Variants in CPS1 observed in about 807,000 individuals in gnomAD.
CPS1 encodes the protein carbamoyl-phosphate synthase 1, also known as carbamoyl-phosphate synthase [ammonia], mitochondrial.
A neutral mutation model predicts 174.6 loss-of-function variants in CPS1; 109 were observed. The ratio of observed to expected loss-of-function variants is 0.62; its 90% CI spans 0.53 to 0.73. The LOEUF is 0.73. Ranked by LOEUF, CPS1 falls within the 30% of genes least tolerant of loss-of-function variation. CPS1 has a pLI of 0.00. For missense variants in CPS1, 1,689 were observed against 1,821.9 expected (o/e 0.93, Z 1.33); for synonymous variants, 637 against 632.0 (o/e 1.01, Z -0.12).
At chr2:210,640,928 A>T (rs1700203402) in intron 24 of CPS1, among the ~76,000 whole-genome samples, 1 of 152,154 alleles carries the variant, frequency 6.6e-6, no homozygotes, top group South Asian at 2.1e-4. Flanking sequence ...GGTAATTTAT[A>T]AATAAATTCT....
chr2:210,605,310 A>G, intron 17 of CPS1, 64 bp downstream of exon 17: 5 of 1,577,926 alleles, frequency 3.2e-6, no homozygotes, highest in Admixed American at 1.7e-5. Flanking sequence ...TGGCCAAGGC[A>G]GTCTTTATAA....
chr2:210,576,565 G>T, intron 3 of CPS1, 75 bp downstream of exon 3: 1 of 1,542,254 alleles, frequency 6.5e-7, no homozygotes, highest in Non-Finnish European at 9.0e-7. Flanking sequence ...GAATTAGGAT[G>T]GCCAAACTTT....
intron 1 of CPS1, among the ~76,000 whole-genome samples, chr2:210,507,445 G>A (rs1034831069): frequency 2.0e-5 from 3 of 152,250 alleles, no homozygotes; most frequent in African/African-American, 4.8e-5. Flanking sequence ...AAAGACCAGC[G>A]AGGCTAGGAA....
At chr2:210,643,844 T>C (rs1238090479) in intron 25 of CPS1, among the ~76,000 whole-genome samples, 1 of 152,066 alleles carries the variant, frequency 6.6e-6, no homozygotes, top group Non-Finnish European at 1.5e-5. Flanking sequence ...TAATATTCAT[T>C]TGAGATAGAC....
At chr2:210,562,715 G>A (rs1037289289) in intron 1 of CPS1, among the ~76,000 whole-genome samples, 1 of 152,048 alleles carries the variant, frequency 6.6e-6, no homozygotes, top group African/African-American at 2.4e-5. Context: ...TTAGGCCTTG[G>A]TGAAAATGGA....
intron 1 of CPS1, among the ~76,000 whole-genome samples, chr2:210,549,827 A>G (rs1696676310): frequency 6.6e-6 from 1 of 152,040 alleles, no homozygotes; most frequent in South Asian, 2.1e-4. Flanking sequence ...CCTGATATAC[A>G]ATGTCTGATA....
Position 210,576,491 on chromosome 2 carries a change from G to T in CPS1, c.381+1G>T. 2 of 1,613,380 alleles carry T rather than the reference G, an allele frequency of 1.2e-6. No homozygotes were observed. The highest frequency in any genetic ancestry group is 1.7e-6 in the Non-Finnish European group (2 of 1,179,476). On this transcript the variant is annotated splice_donor_variant, in intron 3 of 37. Transcript: ENST00000233072. LOFTEE classifies it high-confidence loss of function. ...ATATTTGGAGTCTAATGGAATCAAG[G>T]TAGTACCAGTGGTGGCCATTTAAAA...
At chr2:210,607,730 G>A (rs1308708871) in intron 18 of CPS1, among the ~76,000 whole-genome samples, 1 of 151,760 alleles carries the variant, frequency 6.6e-6, no homozygotes, top group African/African-American at 2.4e-5. Flanking sequence ...TTTGTTAGGT[G>A]GAAGTTGTAC....
At chr2:210,607,395 G>A (rs981263022) in intron 18 of CPS1, among the ~76,000 whole-genome samples, 3 of 151,816 alleles carry the variant, frequency 2.0e-5, no homozygotes, top group Admixed American at 6.6e-5. Flanking sequence ...TGAACAGTGC[G>A]GAATTTTTTC....
Position 210,556,765 on chromosome 2 carries a change from T to G in CPS1, c.32T>G (p.Val11Gly). The change falls in exon 1 of 38, where the codon GTG (valine) becomes GGG (glycine). Residue 11 changes from valine (V) to glycine (G), a missense_variant. Val to Gly is a moderately radical substitution (Grantham distance 109). Coordinates refer to ENST00000233072, the MANE Select transcript of CPS1 (RefSeq NM_001875.5). ...AGGATTTTGACAGCTTTCAAAGTGG[T>G]GAGGACACTGAAGACTGGTTTTGGC... MTRILTAFKVVRTLKTGFGFT... is the reference protein window; with the variant it reads MTRILTAFKVGRTLKTGFGFT... 1 of 1,612,998 alleles carries G rather than the reference T, an allele frequency of 6.2e-7. No individual in the cohort carries two copies. The highest frequency in any genetic ancestry group is 8.5e-7 in the Non-Finnish European group (1 of 1,179,308).
intron 16 of CPS1, among the ~76,000 whole-genome samples, chr2:210,602,870 C>A (rs1574578476): frequency 6.6e-6 from 1 of 152,052 alleles, no homozygotes; most frequent in South Asian, 2.1e-4. Flanking sequence ...ACTCCACCAA[C>A]TGCCATATAC....
intron 1 of CPS1, among the ~76,000 whole-genome samples, chr2:210,546,750 A>C (rs1477508099): frequency 2.0e-5 from 3 of 152,094 alleles, no homozygotes; most frequent in African/African-American, 7.2e-5. Context: ...AAGTTATATG[A>C]TCTTTGGCAC....
At chr2:210,596,129 AG>A (rs1311526251) in intron 13 of CPS1, among the ~76,000 whole-genome samples, 4 of 151,922 alleles carry the variant, frequency 2.6e-5, no homozygotes, top group Non-Finnish European at 4.4e-5. Context: ...AACATTTTCA[AG>A]TAGAAAAAAA....
intron 1 of CPS1, among the ~76,000 whole-genome samples, chr2:210,530,796 T>C (rs1696097046): frequency 1.3e-5 from 2 of 151,864 alleles, no homozygotes; most frequent in Non-Finnish European, 2.9e-5. Context: ...TACTTCAGGA[T>C]CAACTGGAGG....
chr2:210,580,382 C>T (rs545650907), intron 5 of CPS1, among the ~76,000 whole-genome samples: 1 of 151,980 alleles, frequency 6.6e-6, no homozygotes, highest in Non-Finnish European at 1.5e-5. Flanking sequence ...CATCTGACCC[C>T]TCCTCTGAGA....
Position 210,656,573 on chromosome 2 carries a change from T to G in CPS1, c.3607T>G (p.Ser1203Ala). ...SEHVEDAGVH[S>A]GDATLMLPTQ... ...ACATGTTGAAGATGCAGGTGTCCAC[T>G]CGGGAGATGCCACTCTGATGCTGCC... The change falls in exon 30 of 38, where the codon TCG becomes GCG. Residue 1203 changes from serine to alanine, a missense_variant. By Grantham distance (99) the Ser-to-Ala change is moderately conservative. Transcript: ENST00000233072. 6.2e-7 allele frequency: 1 copy of G among 1,610,562 alleles called. No individual in the cohort carries two copies. Among genetic ancestry groups the G allele is most frequent in the Non-Finnish European group, 8.5e-7 (1 of 1,179,544 alleles).
chr2:210,627,650 G>A (rs1379691882), intron 21 of CPS1, among the ~76,000 whole-genome samples: 1 of 152,156 alleles, frequency 6.6e-6, no homozygotes, highest in Non-Finnish European at 1.5e-5. Flanking sequence ...GTAAATACCC[G>A]AGAGCACTCT....
At chr2:210,631,801 A>C (rs1020769202) in intron 21 of CPS1, among the ~76,000 whole-genome samples, 1 of 152,244 alleles carries the variant, frequency 6.6e-6, no homozygotes, top group Non-Finnish European at 1.5e-5. Context: ...TTTAGAGGAC[A>C]CAGTTCTGAA....
rs1258165058 is a variant in CPS1 at position 210,639,294 on chromosome 2, C to T, written c.2895+79C>T. 5.2e-6 allele frequency: 6 copies of T among 1,155,834 alleles called. No homozygotes were observed. The Admixed American group carries it at 7.2e-5, about 14-fold the overall frequency. The allele number at this position is 1,155,834 out of a possible 1,614,324, so 71.6% of individuals were successfully genotyped here. A position where few individuals can be genotyped will look rare whatever the true frequency, so the allele number is the denominator to read the frequency against. ...CACATTAGGGAATATATATTTTTTA[C>T]CTCTTTGGATATCTAGGTAATAAAA... On this transcript the variant is annotated intron_variant, in intron 23 of 37. Coordinates refer to ENST00000233072, the MANE Select transcript of CPS1 (RefSeq NM_001875.5).
Sources: allele counts gnomAD v4.1 joint callset (sites outside exome capture counted in the v4.1 genomes callset), GRCh38; gene constraint gnomAD v4.1.1; transcripts MANE v1.5; gene names NCBI Gene and HGNC (gene_info 2026-07-23, HGNC 2026-07-21).